PLIN4: variants seen among roughly 807,000 people sequenced by gnomAD.
The protein encoded by PLIN4 is perilipin-4.
Under a neutral mutation model 52.4 loss-of-function variants are expected in PLIN4, and 57 were observed. The ratio of observed to expected loss-of-function variants is 1.09; its 90% CI spans 0.88 to 1.36. The LOEUF (loss-of-function observed/expected upper bound fraction) is 1.36. Among genes scored for constraint, PLIN4 ranks in the 40% most tolerant of loss-of-function variants. The pLI is 0.00. For missense variants in PLIN4, 1,757 were observed against 1,770.3 expected (o/e 0.99, Z 0.13); for synonymous variants, 826 against 785.4 (o/e 1.05, Z -0.86).
At chr19:4,506,875 G>A (rs748281150) in intron 6 of PLIN4, among the ~76,000 whole-genome samples, 1 of 152,260 alleles carries the variant, frequency 6.6e-6, no homozygotes, top group East Asian at 1.9e-4. Flanking sequence ...CCAGAGGCAC[G>A]GCAGCGACTG....
rs552013212 is a variant in PLIN4, at chr19:4,518,432, G to T, written c.-65C>A. 14 of 1,226,768 alleles carry T rather than the reference G, an allele frequency of 1.1e-5. No homozygotes were observed. In the African/African-American group the frequency reaches 2.0e-4, roughly 18 times the overall value. The allele number at this position is 1,226,768 out of a possible 1,614,324, so 76.0% of individuals were successfully genotyped here. ...GTGTCACCGAAGCAGACGCGGCCCCGCTCACCTGGACTGCGCGGGGTCCCC... is the reference window on the plus strand; with the variant it reads ...GTGTCACCGAAGCAGACGCGGCCCCTCTCACCTGGACTGCGCGGGGTCCCC... On this transcript the variant is annotated 5_prime_UTR_variant, in exon 1 of 8. Coordinates refer to ENST00000301286, the MANE Select transcript of PLIN4 (RefSeq NM_001367868.2).
rs1438633314 is a variant in PLIN4, at chr19:4,513,221, T to C, written c.739A>G (p.Asn247Asp). 1 of 1,613,914 alleles carries C rather than the reference T, an allele frequency of 6.2e-7. No homozygotes were observed. The highest frequency in any genetic ancestry group is 1.3e-5 in the African/African-American group (1 of 75,040). ...GTCTGAATGCTTCCTCTGGCCACAT[T>C]CACTGCCCCTGTGAGCCCAGTGGAC... The part of the protein sequence containing the change: ...AVSTGLTGAV[N>D]VARGSIQTGV... The change falls in exon 5 of 8, where the codon AAT becomes GAT. Residue 247 changes from asparagine (N) to aspartate (D), a missense_variant. Asn to Asp is a conservative substitution (Grantham distance 23, BLOSUM62 1). This residue lies in a region of PLIN4 where 99 missense variants were observed against 143.4 expected (regional missense o/e 0.69). Coordinates refer to ENST00000301286, the MANE Select transcript of PLIN4 (RefSeq NM_001367868.2).
In PLIN4 at chr19:4,512,423, C is replaced by A; in HGVS notation, c.1537G>T (p.Ala513Ser). The change falls in exon 5 of 8, where the codon GCC becomes TCC. Residue 513 changes from alanine to serine, a missense_variant. Transcript: ENST00000301286. ...ACGCCGGTCTGGACGGTCCCTTTGG[C>A]CACGTTCACAGCCCCTGTGAGCCCA... ...STGLTGAVNV[A>S]KGTVQTGVDT... 6.2e-7 allele frequency: 1 copy of A among 1,610,602 alleles called. No individual in the cohort carries two copies. Among genetic ancestry groups the A allele is most frequent in the Non-Finnish European group, 8.5e-7 (1 of 1,178,856 alleles).
In PLIN4 at chr19:4,503,355, A is replaced by T. The variant is rs1975984869; in HGVS notation, c.*1104T>A. The T allele has an allele frequency of 6.6e-6, 1 of 152,452 alleles. No homozygotes were observed. The highest frequency in any genetic ancestry group is 2.1e-4 in the South Asian group (1 of 4,838). 9.4% of individuals were successfully genotyped at this position (152,452 alleles called of 1,614,324 possible). ...CACGGCACGTCTCACACCCGACCTG[A>T]GCCTGCCAGCCTCCACGACCTGGGC... On this transcript the variant is annotated 3_prime_UTR_variant, in exon 8 of 8. Coordinates refer to ENST00000301286, the MANE Select transcript of PLIN4 (RefSeq NM_001367868.2).
chr19:4,506,532 A>AC (rs1976099268), intron 6 of PLIN4, among the ~76,000 whole-genome samples: 2 of 149,524 alleles, frequency 1.3e-5, no homozygotes, highest in East Asian at 2.0e-4. Flanking sequence ...GGCGCCCCCC[A>AC]CCCCCCAAGG....
intron 4 of PLIN4, among the ~76,000 whole-genome samples, chr19:4,515,070 G>A (rs1976549993): frequency 6.6e-6 from 1 of 151,204 alleles, no homozygotes; most frequent in African/African-American, 2.4e-5. Context: ...CAGCTACTCT[G>A]GAGGCTGAGG....
chr19:4,505,188 T>G (rs968027144), intron 6 of PLIN4, among the ~76,000 whole-genome samples: 1 of 152,144 alleles, frequency 6.6e-6, no homozygotes, highest in African/African-American at 2.4e-5. Flanking sequence ...GTGTCACTCC[T>G]CACCCCTAAA....
At chr19:4,517,213 C>T (rs1976607405) in intron 3 of PLIN4, among the ~76,000 whole-genome samples, 1 of 152,162 alleles carries the variant, frequency 6.6e-6, no homozygotes, top group Non-Finnish European at 1.5e-5. Context: ...TTGCTCCTCC[C>T]TGGGAGTCTG....
Position 4,511,355 on chromosome 19 carries a change from C to G in PLIN4, c.2605G>C (p.Val869Leu). 6.3e-7 allele frequency: 1 copy of G among 1,582,754 alleles called. No homozygotes were observed. Among genetic ancestry groups the G allele is most frequent in the Non-Finnish European group, 8.6e-7 (1 of 1,160,840 alleles). The change falls in exon 5 of 8, where the codon GTG becomes CTG. Residue 869 changes from valine to leucine, a missense_variant. Val to Leu is a conservative substitution (Grantham distance 32). Transcript: ENST00000301286. ...TGTKNTLGSG[V>L]TGAAKVAKGA... ...TTGGCCACTTTCGCAGCACCGGTCA[C>G]CCCACTGCCAAGGGTGTTCTTTGTA...
rs564401333 is a variant in PLIN4, at chr19:4,506,926, G to T, written c.3702+1842C>A. On this transcript the variant is annotated intron_variant, in intron 6 of 7. Transcript: ENST00000301286. The stretch of plus-strand genomic sequence containing the variant: ...CCACAGTGACATGAGGTGTCCTGAG[G>T]GTCCCTAGGACAGACTTGCCCTTGG... Among the ~76,000 whole-genome samples, 5 of 152,338 alleles carry T rather than the reference G, an allele frequency of 3.3e-5. No homozygotes were observed. The South Asian group carries it at 1.0e-3, about 32-fold the overall frequency.
In PLIN4 at chr19:4,513,667, T is replaced by G; in HGVS notation, c.293A>C (p.Lys98Thr). ...VSGAKDLVCS[K>T]MSRAKDAVSS... ...CACGGCATCCTTGGCCCTGGACATCTTGGAACACACCAGGTCTTTGGCCCC... is the reference window on the plus strand; with the variant it reads ...CACGGCATCCTTGGCCCTGGACATCGTGGAACACACCAGGTCTTTGGCCCC... The change falls in exon 5 of 8, where the codon AAG (lysine) becomes ACG (threonine). Residue 98 changes from lysine to threonine, a missense_variant. Lys to Thr is a moderately conservative substitution (Grantham distance 78). This residue lies in a region of PLIN4 where 332 missense variants were observed against 310.8 expected (regional missense o/e 1.07). Transcript: ENST00000301286. 6.3e-7 allele frequency: 1 copy of G among 1,599,258 alleles called. No homozygotes were observed. The highest frequency in any genetic ancestry group is 8.5e-7 in the Non-Finnish European group (1 of 1,172,704).
At position 4,518,300 on chromosome 19, in the gene PLIN4, G is replaced by T; in HGVS notation, c.-17-11C>A. 8.1e-7 allele frequency: 1 copy of T among 1,232,806 alleles called. No homozygotes were observed. Among genetic ancestry groups the T allele is most frequent in the East Asian group, 3.2e-5 (1 of 31,726 alleles). The allele number at this position is 1,232,806 out of a possible 1,614,324, so 76.4% of individuals were successfully genotyped here. A position where few individuals can be genotyped will look rare whatever the true frequency, so the allele number is the denominator to read the frequency against. On this transcript the variant is annotated splice_polypyrimidine_tract_variant and intron_variant, in intron 1 of 7. Coordinates refer to ENST00000301286, the MANE Select transcript of PLIN4 (RefSeq NM_001367868.2). ...TGAGAACGTGAGAAGCTGGAAGGGG[G>T]CAGAGAAGGTGCGTGAATGGGGGTT...
chr19:4,516,744 A>G (rs1286886701), intron 3 of PLIN4, 66 bp from the exon 4 acceptor site: 2 of 1,419,414 alleles, frequency 1.4e-6, no homozygotes, highest in Non-Finnish European at 1.9e-6. Flanking sequence ...CCGGCTGCCC[A>G]TTGCACAATA....
chr19:4,504,416 A>G lies in PLIN4; in HGVS notation c.*43T>C. 1 of 1,462,638 alleles carries G rather than the reference A, an allele frequency of 6.8e-7. No homozygotes were observed. Among genetic ancestry groups the G allele is most frequent in the South Asian group, 1.4e-5 (1 of 73,562 alleles). The allele number at this position is 1,462,638 out of a possible 1,614,324, so 90.6% of individuals were successfully genotyped here. ...AAGTTCTGAGGCAGCTCCTCCCTGG[A>G]CAGAGCAGGGCGACCCCGCGCCGGG... On this transcript the variant is annotated 3_prime_UTR_variant, in exon 8 of 8. Coordinates refer to ENST00000301286, the MANE Select transcript of PLIN4 (RefSeq NM_001367868.2).
intron 6 of PLIN4, among the ~76,000 whole-genome samples, chr19:4,507,065 A>G (rs1033370189): frequency 2.0e-5 from 3 of 152,236 alleles, no homozygotes; most frequent in Non-Finnish European, 4.4e-5. Context: ...TGTGACAACC[A>G]CAGATGTCCC....
rs758367416 is a variant in PLIN4, at chr19:4,512,524, A to G, written c.1436T>C (p.Val479Ala). ...GCCGCCCTGGACGGCCCCTTTGGCC[A>G]CATTCGCAGCACCGGTGACCCCACT... ...VCSGVTGAAN[V>A]AKGAVQGGLD... Residue 479 changes from valine to alanine, a missense_variant, in exon 5 of 8, where the codon GTG (valine) becomes GCG (alanine). This residue lies in a region of PLIN4 where 439 missense variants were observed against 406.4 expected (regional missense o/e 1.08). Transcript: ENST00000301286. The G allele has an allele frequency of 1.2e-6, 2 of 1,609,328 alleles. No individual in the cohort carries two copies. Among genetic ancestry groups the G allele is most frequent in the Admixed American group, 3.3e-5 (2 of 59,790 alleles).
In PLIN4 at chr19:4,513,464, T is replaced by TGAGGA; in HGVS notation, c.491_495dup (p.Thr166SerfsTer17). 6.2e-7 allele frequency: 1 copy of TGAGGA among 1,613,398 alleles called. No individual in the cohort carries two copies. The highest frequency in any genetic ancestry group is 8.5e-7 in the Non-Finnish European group (1 of 1,179,876). On this transcript the variant is annotated frameshift_variant, in exon 5 of 8. Transcript: ENST00000301286. LOFTEE classifies it high-confidence loss of function. ...GTGGACACCGTGTCCTTGGTGCCGG[T>TGAGGA]GAGGACAGCCTTCGAGGTGTCCAGA...
Position 4,517,619 on chromosome 19 carries a change from C to G in PLIN4, c.131G>C (p.Arg44Thr), listed in dbSNP as rs1432499291. The change falls in exon 3 of 8, where the codon AGA becomes ACA. Residue 44 changes from arginine to threonine, a missense_variant. Physicochemically the swap from Arg to Thr is moderately conservative, Grantham distance 71. Around this residue, in one of 7 missense-constraint regions of PLIN4, gnomAD observed 332 missense variants for 310.8 expected, o/e 1.07. Coordinates refer to ENST00000301286, the MANE Select transcript of PLIN4 (RefSeq NM_001367868.2). ...TGTGGGGTCAGCGGCCGGCCGGGCT[C>G]TCGCCGAGCTATGTGCGTTGGCCAC... ...NLVANAHSSA[R>T]ARPAADPTGA... 4 of 1,609,972 alleles carry G rather than the reference C, an allele frequency of 2.5e-6. No homozygotes were observed. The African/African-American group carries it at 5.3e-5, about 22-fold the overall frequency.
intron 6 of PLIN4, among the ~76,000 whole-genome samples, chr19:4,507,046 TC>T (rs1219888626): frequency 6.6e-6 from 1 of 152,148 alleles, no homozygotes; most frequent in Non-Finnish European, 1.5e-5. Context: ...ACCAGGGGCT[TC>T]CCCCAGTTGT....
Sources: gnomAD v4.1 joint callset for allele counts (sites outside exome capture counted in the v4.1 genomes callset) on GRCh38, gnomAD v4.1.1 for gene constraint, gnomAD v4.1.1 regional missense constraint, MANE v1.5 for transcripts, NCBI Gene and HGNC (gene_info 2026-07-23, HGNC 2026-07-21) for gene names.